Variants in CPA6 observed in about 807,000 individuals in gnomAD.
The protein encoded by CPA6 is carboxypeptidase B.
A neutral mutation model predicts 63.3 loss-of-function variants in CPA6; 58 were observed. That is an observed-to-expected ratio of 0.92 (90% CI 0.74 to 1.14). The LOEUF (loss-of-function observed/expected upper bound fraction) is 1.14. Among genes scored for constraint, CPA6 ranks in the 50% most tolerant of loss-of-function variants. CPA6 has a pLI of 0.00. For missense variants in CPA6, 565 were observed against 526.6 expected, an observed-to-expected ratio of 1.07 and a Z score of -0.71; for synonymous variants, 185 against 179.0, an observed-to-expected ratio of 1.03 and a Z score of -0.27.
At chr8:67,447,069 CATATATACACAT>C (rs1273286928) in intron 8 of CPA6, among the ~76,000 whole-genome samples, 7 of 142,504 alleles carry the variant, frequency 4.9e-5, no homozygotes, top group African/African-American at 1.9e-4. Context: ...TATATACACA[CATATATACACAT>C]ATATATACAC....
intron 1 of CPA6, among the ~76,000 whole-genome samples, chr8:67,724,056 A>G (rs531051417): frequency 4.6e-5 from 7 of 152,338 alleles, no homozygotes; most frequent in Admixed American, 1.3e-4. Flanking sequence ...TCAGAAGCTG[A>G]TAAGAAAATG....
chr8:67,556,715 C>T (rs62513790), intron 2 of CPA6, among the ~76,000 whole-genome samples: 4,632 of 152,316 alleles, frequency 0.03, 90 homozygotes, highest in Non-Finnish European at 0.047. Context: ...CTCCCAAACC[C>T]CTATCTGGAC....
chr8:67,624,242 C>T lies in CPA6; in HGVS notation c.126G>A (p.Val42=). 6.8e-7 allele frequency: 1 copy of T among 1,463,596 alleles called. No individual in the cohort carries two copies. Among genetic ancestry groups the T allele is most frequent in the Non-Finnish European group, 9.5e-7 (1 of 1,048,820 alleles). 90.7% of individuals were successfully genotyped at this position (1,463,596 alleles called of 1,614,324 possible). Residue 42 remains valine, a synonymous_variant, in exon 2 of 11, where the codon GTG becomes GTA. Coordinates refer to ENST00000297770, the MANE Select transcript of CPA6 (RefSeq NM_020361.5). ...CTTCTGTTTTGGGAATAAATCTTAT[C>T]ACTTTATCACTACAAGATAAGAAAA... ...LYNNRYAGDK[V]IRFIPKTEEE...
chr8:67,724,268 G>T (rs1423163237), intron 1 of CPA6, among the ~76,000 whole-genome samples: 1 of 152,002 alleles, frequency 6.6e-6, no homozygotes, highest in Non-Finnish European at 1.5e-5. Flanking sequence ...CTAGCTGTAG[G>T]GCCTCTTGGC....
chr8:67,654,594 C>T lies in CPA6; in HGVS notation c.117-30343G>A, dbSNP rs182551084. On this transcript the variant is annotated intron_variant, in intron 1 of 10. Coordinates refer to ENST00000297770, the MANE Select transcript of CPA6 (RefSeq NM_020361.5). ...TCTGTGGGATCGGTGGTGATATCCCCTTTATCATTTTTTATTGTGTCTGTT... is the reference window on the plus strand; with the variant it reads ...TCTGTGGGATCGGTGGTGATATCCCTTTTATCATTTTTTATTGTGTCTGTT... Among the ~76,000 whole-genome samples the T allele has an allele frequency of 9.2e-5, 14 of 152,226 alleles. No homozygotes were observed. The East Asian group carries it at 2.7e-3, about 29-fold the overall frequency.
intron 1 of CPA6, among the ~76,000 whole-genome samples, chr8:67,745,763 C>T (rs1435383210): frequency 3.9e-5 from 6 of 152,196 alleles, no homozygotes; most frequent in African/African-American, 1.4e-4. Flanking sequence ...GAATCCCATT[C>T]AACCCTGGGT....
At chr8:67,441,228 G>A (rs1168414998) in intron 8 of CPA6, among the ~76,000 whole-genome samples, 1 of 152,130 alleles carries the variant, frequency 6.6e-6, no homozygotes, top group African/African-American at 2.4e-5. Context: ...TTACTTATAA[G>A]GATGTGCAGT....
intron 10 of CPA6, among the ~76,000 whole-genome samples, chr8:67,424,679 G>C (rs1809845482): frequency 6.6e-6 from 1 of 152,128 alleles, no homozygotes; most frequent in Non-Finnish European, 1.5e-5. Context: ...AGAACCCGAG[G>C]GAGAACCTAT....
chr8:67,701,318 A>AG (rs1817019772), intron 1 of CPA6, among the ~76,000 whole-genome samples: 1 of 152,160 alleles, frequency 6.6e-6, no homozygotes, highest in Non-Finnish European at 1.5e-5. Flanking sequence ...TTGTAAAAGA[A>AG]GGTGATATCA....
chr8:67,518,152 A>G, intron 2 of CPA6, 105 bp from the exon 3 acceptor site: 1 of 1,094,338 alleles, frequency 9.1e-7, no homozygotes, highest in Non-Finnish European at 1.3e-6. Context: ...AACACCAAAC[A>G]TATTTTGGAA....
At chr8:67,702,165 C>T (rs184925932) in intron 1 of CPA6, among the ~76,000 whole-genome samples, 154 of 152,268 alleles carry the variant, frequency 1.0e-3, no homozygotes, top group Middle Eastern at 6.8e-3. Context: ...TGGGCTCAAA[C>T]ATGCACACTG....
chr8:67,712,687 T>C (rs1158805828), intron 1 of CPA6, among the ~76,000 whole-genome samples: 3 of 152,122 alleles, frequency 2.0e-5, no homozygotes, highest in Non-Finnish European at 4.4e-5. Context: ...AAAAACTAGC[T>C]CCTTCTCTGG....
Position 67,432,284 on chromosome 8 carries a change from T to C in CPA6, c.1041+1754A>G, listed in dbSNP as rs139046265. 6.4e-3 allele frequency among the ~76,000 whole-genome samples: 971 copies of C among 152,326 alleles called. 5 individuals carry two copies. Among genetic ancestry groups the C allele is most frequent in the Non-Finnish European group, 7.8e-3 (528 of 68,028 alleles). The stretch of plus-strand genomic sequence containing the variant: ...CTAATGATTTAATCAATTAGACCTA[T>C]GTAATGAAATCGTCATGAATACCCC... On this transcript the variant is annotated intron_variant, in intron 9 of 10. Coordinates refer to ENST00000297770, the MANE Select transcript of CPA6 (RefSeq NM_020361.5).
chr8:67,483,706 A>G, intron 8 of CPA6, 62 bp downstream of exon 8: 3 of 1,359,032 alleles, frequency 2.2e-6, no homozygotes, highest in Non-Finnish European at 3.2e-6. Context: ...CTGGACTCAT[A>G]TTTTGCAGAG....
At chr8:67,730,762 T>C (rs1404651658) in intron 1 of CPA6, among the ~76,000 whole-genome samples, 1 of 152,224 alleles carries the variant, frequency 6.6e-6, no homozygotes, top group African/African-American at 2.4e-5. Context: ...ACTATAAGAA[T>C]ATCATAGTGG....
At chr8:67,722,346 T>C (rs894574839) in intron 1 of CPA6, among the ~76,000 whole-genome samples, 16 of 152,224 alleles carry the variant, frequency 1.1e-4, no homozygotes, top group Non-Finnish European at 4.4e-5. Flanking sequence ...GTCCAATTTC[T>C]GGATACTCCA....
At chr8:67,598,219 A>G (rs1288776788) in intron 2 of CPA6, among the ~76,000 whole-genome samples, 7 of 152,206 alleles carry the variant, frequency 4.6e-5, no homozygotes, top group African/African-American at 1.7e-4. Context: ...CTCCAGAGCA[A>G]AAGTAGCTAT....
chr8:67,520,702 G>T (rs1812240576), intron 2 of CPA6, among the ~76,000 whole-genome samples: 1 of 152,132 alleles, frequency 6.6e-6, no homozygotes, highest in South Asian at 2.1e-4. Flanking sequence ...TTTAATGAAG[G>T]AGAAGATTCA....
chr8:67,533,844 C>T (rs1237979877), intron 2 of CPA6, among the ~76,000 whole-genome samples: 2 of 152,136 alleles, frequency 1.3e-5, no homozygotes, highest in Non-Finnish European at 2.9e-5. Context: ...AAGCACTGGC[C>T]CAGGGTACCA....
Sources: allele counts gnomAD v4.1 joint callset (sites outside exome capture counted in the v4.1 genomes callset), GRCh38; gene constraint gnomAD v4.1.1; transcripts MANE v1.5; gene names NCBI Gene and HGNC (gene_info 2026-07-23, HGNC 2026-07-21).